HUNK: variants seen among roughly 807,000 people sequenced by gnomAD.
HUNK encodes the protein hormonally up-regulated Neu-associated kinase.
A neutral mutation model predicts 61.0 loss-of-function variants in HUNK; 21 were observed. The ratio of observed to expected loss-of-function variants is 0.34; its 90% confidence interval spans 0.24 to 0.50. HUNK has a LOEUF of 0.50. Ranked by LOEUF, HUNK falls within the 20% of genes least tolerant of loss-of-function variation. HUNK has a pLI of 0.98. For missense variants in HUNK, 772 were observed against 945.7 expected (o/e 0.82, Z 2.41); for synonymous variants, 371 against 386.1 (o/e 0.96, Z 0.46).
intron 7 of HUNK, among the ~76,000 whole-genome samples, chr21:31,978,171 TG>T (rs1357061687): frequency 6.6e-6 from 1 of 152,214 alleles, no homozygotes; most frequent in Non-Finnish European, 1.5e-5. Flanking sequence ...GGAAAAGGTT[TG>T]GGGGTTGTTT....
chr21:31,933,523 G>A (rs553700800), intron 2 of HUNK, among the ~76,000 whole-genome samples: 30 of 152,100 alleles, frequency 2.0e-4, no homozygotes, highest in Non-Finnish European at 4.1e-4. Flanking sequence ...AGTGGCTCAC[G>A]CCTGTAATCC....
At chr21:31,958,635 G>A (rs2052906030) in intron 4 of HUNK, among the ~76,000 whole-genome samples, 1 of 152,116 alleles carries the variant, frequency 6.6e-6, no homozygotes, top group Non-Finnish European at 1.5e-5. Flanking sequence ...CTCCCAAAGT[G>A]CTGGGATTAC....
chr21:31,922,642 A>G (rs961576666), intron 1 of HUNK, among the ~76,000 whole-genome samples: 1 of 152,186 alleles, frequency 6.6e-6, no homozygotes, highest in Non-Finnish European at 1.5e-5. Flanking sequence ...GCAGTTTTCA[A>G]GTGTGCAATA....
chr21:31,917,228 T>C (rs60479689), intron 1 of HUNK, among the ~76,000 whole-genome samples: 2,514 of 152,254 alleles, frequency 0.017, 67 homozygotes, highest in African/African-American at 0.058. Context: ...GGTCTCACTC[T>C]GTCGCCCAGG....
At chr21:31,906,668 G>A (rs2052507705) in intron 1 of HUNK, among the ~76,000 whole-genome samples, 2 of 152,112 alleles carry the variant, frequency 1.3e-5, no homozygotes, top group Non-Finnish European at 2.9e-5. Flanking sequence ...GGGCTCAAGC[G>A]ATCCGCCTAC....
chr21:31,966,505 A>G (rs1340058540), intron 5 of HUNK, among the ~76,000 whole-genome samples: 1 of 152,122 alleles, frequency 6.6e-6, no homozygotes, highest in Non-Finnish European at 1.5e-5. Context: ...CAGTATGGGA[A>G]CCCACCCTGG....
intron 1 of HUNK, among the ~76,000 whole-genome samples, chr21:31,895,947 A>G (rs1365675649): frequency 6.6e-6 from 1 of 152,230 alleles, no homozygotes; most frequent in Non-Finnish European, 1.5e-5. Context: ...ATAGGATCAT[A>G]AAGAGGTAAC....
intron 8 of HUNK, among the ~76,000 whole-genome samples, chr21:31,986,364 T>G (rs2053133063): frequency 6.6e-6 from 1 of 151,944 alleles, no homozygotes; most frequent in Non-Finnish European, 1.5e-5. Context: ...CCCTGCACTC[T>G]CTCTGTCTCC....
Position 31,998,705 on chromosome 21 carries a change from C to T in HUNK, c.1666C>T (p.Leu556=), listed in dbSNP as rs1458128105. ...GIPHKEDPLM[L]DMVRSFESVD... The stretch of plus-strand genomic sequence containing the variant: ...CCCCCACAAGGAAGACCCCCTGATG[C>T]TGGACATGGTGCGCTCCTTCGAGTC... Residue 556 remains leucine, a synonymous_variant, in exon 11 of 11, where the codon CTG becomes TTG. Transcript: ENST00000270112. 6.2e-7 allele frequency: 1 copy of T among 1,614,040 alleles called. No homozygotes were observed. The highest frequency in any genetic ancestry group is 1.7e-5 in the Admixed American group (1 of 60,006).
Position 31,924,407 on chromosome 21 carries a change from G to T in HUNK, c.262-61G>T, listed in dbSNP as rs189914966. 269 of 1,505,884 alleles carry T rather than the reference G, an allele frequency of 1.8e-4. 1 individual carries two copies. The East Asian group carries it at 5.9e-3, about 33-fold the overall frequency. The allele number at this position is 1,505,884 out of a possible 1,614,324, so 93.3% of individuals were successfully genotyped here. A position where few individuals can be genotyped will look rare whatever the true frequency, so the allele number is the denominator to read the frequency against. ...CATTTTTCTTGGGTTCCTGTGAGTA[G>T]CCAAGGCATCGCTATTGTCTGTAAT... is the stretch of plus-strand genomic sequence containing the variant. On this transcript the variant is annotated intron_variant, in intron 1 of 10. Transcript: ENST00000270112. The surrounding 1 kb of genome is among the most constrained non-coding windows in gnomAD (Gnocchi z 5.1).
In HUNK at chr21:32,000,342, A is replaced by C. The variant is rs528772832; in HGVS notation, c.*1158A>C. ...CCAGTTTCTTCTTCGAGGAAAGCCAAGCTCCTCAAACAGGGTTCAGTCCAC... is the reference window on the plus strand; with the variant it reads ...CCAGTTTCTTCTTCGAGGAAAGCCACGCTCCTCAAACAGGGTTCAGTCCAC... On this transcript the variant is annotated 3_prime_UTR_variant, in exon 11 of 11. Coordinates refer to ENST00000270112, the MANE Select transcript of HUNK (RefSeq NM_014586.2). 62 of 399,102 alleles carry C rather than the reference A, an allele frequency of 1.6e-4. No individual in the cohort carries two copies. In the East Asian group the frequency reaches 2.0e-3, roughly 13 times the overall value. The allele number at this position is 399,102 out of a possible 1,614,324, so 24.7% of individuals were successfully genotyped here.
In HUNK at chr21:31,998,909, C is replaced by T. The variant is rs769106416; in HGVS notation, c.1870C>T (p.His624Tyr). The T allele has an allele frequency of 1.2e-6, 2 of 1,614,226 alleles. No individual in the cohort carries two copies. Among genetic ancestry groups the T allele is most frequent in the Admixed American group, 1.7e-5 (1 of 60,028 alleles). ...PLHPTLVSFA[H>Y]EDKNSPPKEE... ...GCATCCAACTCTGGTCTCTTTTGCT[C>T]ACGAAGATAAGAACAGCCCCCCAAA... is the stretch of plus-strand genomic sequence containing the variant. Residue 624 changes from histidine (H) to tyrosine (Y), a missense_variant, in exon 11 of 11, where the codon CAC (histidine) becomes TAC (tyrosine). Around this residue, in one of 2 missense-constraint regions of HUNK, gnomAD observed 413 missense variants for 444.4 expected, o/e 0.93. Coordinates refer to ENST00000270112, the MANE Select transcript of HUNK (RefSeq NM_014586.2).
At chr21:31,975,255 G>A (rs2053040552) in intron 7 of HUNK, among the ~76,000 whole-genome samples, 1 of 152,164 alleles carries the variant, frequency 6.6e-6, no homozygotes, top group South Asian at 2.1e-4. Flanking sequence ...TGTCACCCGC[G>A]AGGTACCTTT....
intron 1 of HUNK, among the ~76,000 whole-genome samples, chr21:31,892,205 A>T (rs904785754): frequency 3.6e-5 from 5 of 137,846 alleles, no homozygotes; most frequent in Middle Eastern, 3.7e-3. Flanking sequence ...AGAGAGAGAG[A>T]GAGAGTGTGT....
At chr21:31,919,065 G>A (rs1198377830) in intron 1 of HUNK, among the ~76,000 whole-genome samples, 5 of 109,514 alleles carry the variant, frequency 4.6e-5, no homozygotes, top group African/African-American at 2.6e-4. Flanking sequence ...AGCGGTATGA[G>A]GATGAGGGGC....
At chr21:31,938,962 G>T (rs1396491021) in intron 2 of HUNK, among the ~76,000 whole-genome samples, 2 of 152,170 alleles carry the variant, frequency 1.3e-5, no homozygotes, top group Non-Finnish European at 2.9e-5. Flanking sequence ...TGGATTCATT[G>T]GTATTTACTG....
intron 1 of HUNK, among the ~76,000 whole-genome samples, chr21:31,880,132 A>G (rs906282332): frequency 1.3e-5 from 2 of 152,180 alleles, no homozygotes; most frequent in Non-Finnish European, 2.9e-5. Context: ...GCCCAGTGCT[A>G]CAGTGTTTTA....
chr21:31,875,661 C>T (rs61377845), intron 1 of HUNK, among the ~76,000 whole-genome samples: 17,190 of 152,190 alleles, frequency 0.11, 1,240 homozygotes, highest in East Asian at 0.39. Context: ...GCTCTCTTCT[C>T]CTGGCCCTGT....
intron 1 of HUNK, among the ~76,000 whole-genome samples, chr21:31,916,285 C>A (rs1037890310): frequency 1.3e-5 from 2 of 151,816 alleles, no homozygotes; most frequent in African/African-American, 4.8e-5. Flanking sequence ...CTGCTGGCCT[C>A]GTTATCCGCC....
Sources: allele counts gnomAD v4.1 joint callset (sites outside exome capture counted in the v4.1 genomes callset), GRCh38; gene constraint gnomAD v4.1.1; regional missense constraint gnomAD v4.1.1; non-coding constraint Gnocchi (gnomAD v3.1); transcripts MANE v1.5; gene names NCBI Gene and HGNC (gene_info 2026-07-23, HGNC 2026-07-21).